The following ORC1 variants were observed in gnomAD, a reference collection of about 807,000 sequenced individuals.
ORC1 encodes the protein origin recognition complex, subunit 1 homolog.
A neutral mutation model predicts 98.9 loss-of-function variants in ORC1; 61 were observed. That is an observed-to-expected ratio of 0.62 (90% CI 0.50 to 0.76). The LOEUF (loss-of-function observed/expected upper bound fraction) is 0.76. ORC1 is among the 30% of genes least tolerant of loss of function. The pLI is 0.00. For missense variants in ORC1, 979 were observed against 1,072.2 expected, an observed-to-expected ratio of 0.91 and a Z score of 1.21; for synonymous variants, 385 against 406.9, an observed-to-expected ratio of 0.95 and a Z score of 0.65.
intron 6 of ORC1, among the ~76,000 whole-genome samples, chr1:52,392,800 T>C (rs1647250565): frequency 6.6e-6 from 1 of 152,152 alleles, no homozygotes; most frequent in African/African-American, 2.4e-5. Context: ...GTGAAGTGAC[T>C]TGGAAATGGA....
At chr1:52,401,614 G>C in intron 2 of ORC1, 125 bp from the exon 3 acceptor site, 1 of 1,144,488 alleles carries the variant, frequency 8.7e-7, no homozygotes, top group Non-Finnish European at 1.3e-6. Flanking sequence ...CTCTCCTACT[G>C]GGAAACCAAT....
intron 4 of ORC1, among the ~76,000 whole-genome samples, 176 bp downstream of exon 4, chr1:52,397,509 A>G (rs1288376827): frequency 6.6e-6 from 1 of 152,210 alleles, no homozygotes; most frequent in African/African-American, 2.4e-5. Flanking sequence ...AACACATGAT[A>G]CGTGCTCTCA....
At position 52,375,571 on chromosome 1, in the gene ORC1, C is replaced by CG; in HGVS notation, c.2161dup (p.Arg721ProfsTer14). 1.9e-6 allele frequency: 3 copies of CG among 1,614,054 alleles called. No homozygotes were observed. The highest frequency in any genetic ancestry group is 2.5e-6 in the Non-Finnish European group (3 of 1,180,020). On this transcript the variant is annotated frameshift_variant, in exon 15 of 17. Coordinates refer to ENST00000371568, the MANE Select transcript of ORC1 (RefSeq NM_004153.4). LOFTEE classifies it high-confidence loss of function. ...GGCACGCCTGCAGATGTCCAGGCAC[C>CG]GTCGTGCATCTCCAGACAGTGCTGC...
chr1:52,383,836 C>T lies in ORC1; in HGVS notation c.1857G>A (p.Val619=). ...CCGCCCATGGGCACCTCACCTCATCCACAAGCAGGACGGTGGTTTCCTGAG... is the reference window on the plus strand; with the variant it reads ...CCGCCCATGGGCACCTCACCTCATCTACAAGCAGGACGGTGGTTTCCTGAG... The part of the protein sequence containing the change: ...GSPQETTVLL[V]DELDLLWTHK... Residue 619 remains valine, a synonymous_variant, in exon 12 of 17, where the codon GTG becomes GTA. Transcript: ENST00000371568. 1 of 1,613,534 alleles carries T rather than the reference C, an allele frequency of 6.2e-7. No individual in the cohort carries two copies. Among genetic ancestry groups the T allele is most frequent in the Non-Finnish European group, 8.5e-7 (1 of 1,179,502 alleles).
chr1:52,400,303 G>A (rs1471955051), intron 3 of ORC1, among the ~76,000 whole-genome samples: 2 of 152,174 alleles, frequency 1.3e-5, no homozygotes, highest in Admixed American at 6.5e-5. Flanking sequence ...TGTACAGCAC[G>A]GATACACTGG....
At chr1:52,387,950 T>C (rs1647165167) in intron 8 of ORC1, among the ~76,000 whole-genome samples, 1 of 152,230 alleles carries the variant, frequency 6.6e-6, no homozygotes, top group Non-Finnish European at 1.5e-5. Flanking sequence ...TGAATACCTT[T>C]TCAGTGTTCT....
chr1:52,406,537 GA>G (rs149414850), upstream of ORC1, among the ~76,000 whole-genome samples: 14,517 of 152,134 alleles, frequency 0.095, 2,278 homozygotes, highest in African/African-American at 0.33. Flanking sequence ...TGACATTGGA[GA>G]GGTTACTTAA....
chr1:52,406,170 G>A (rs985510170), upstream of ORC1, among the ~76,000 whole-genome samples: 1 of 151,850 alleles, frequency 6.6e-6, no homozygotes, highest in African/African-American at 2.4e-5. Flanking sequence ...TGTATTTTTA[G>A]TAGAGATGGG....
At chr1:52,385,575 G>A (rs1258214074) in intron 9 of ORC1, among the ~76,000 whole-genome samples, 1 of 152,156 alleles carries the variant, frequency 6.6e-6, no homozygotes, top group Non-Finnish European at 1.5e-5. Flanking sequence ...AAACAAAGAG[G>A]CACTGTCCTG....
At chr1:52,407,601 T>C (rs368396596), upstream of ORC1, among the ~76,000 whole-genome samples, 5 of 152,230 alleles carry the variant, frequency 3.3e-5, no homozygotes, top group African/African-American at 1.2e-4. Context: ...TGTATTGTTA[T>C]TAAATATATC....
At position 52,385,962 on chromosome 1, in the gene ORC1, CAAAG is replaced by C. The variant is rs774150681; in HGVS notation, c.1384-17_1384-14del. The C allele has an allele frequency of 1.9e-6, 3 of 1,603,192 alleles. No homozygotes were observed. The highest frequency in any genetic ancestry group is 2.6e-6 in the Non-Finnish European group (3 of 1,171,276). On this transcript the variant is annotated splice_polypyrimidine_tract_variant and intron_variant, in intron 8 of 16. Transcript: ENST00000371568. ...TTCTAGGCTTGAGCTGTATTGAAAACAAAGAACATATTTCACAAGGAAAAAGCAA... is the reference window on the plus strand; with the variant it reads ...TTCTAGGCTTGAGCTGTATTGAAAACAACATATTTCACAAGGAAAAAGCAA...
chr1:52,396,139 T>A lies in ORC1; in HGVS notation c.628A>T (p.Lys210Ter), dbSNP rs1158076302. 1 of 1,614,202 alleles carries A rather than the reference T, an allele frequency of 6.2e-7. No individual in the cohort carries two copies. ...GCGGAGTGCCTTGATTCAATCCTTT[T>A]GGCCACATGTTCTGCTGGGGTCCAA... ...PSWTPAEHVAKRIESRHSASK... is the reference protein window; with the variant it reads ...PSWTPAEHVA Residue 210 changes from lysine (K) to a stop codon, truncating the protein, a stop_gained, in exon 5 of 17, where the codon AAA becomes TAA. Coordinates refer to ENST00000371568, the MANE Select transcript of ORC1 (RefSeq NM_004153.4). LOFTEE classifies it high-confidence loss of function.
chr1:52,379,183 C>T (rs1343295158), intron 14 of ORC1, among the ~76,000 whole-genome samples: 1 of 151,568 alleles, frequency 6.6e-6, no homozygotes, highest in Non-Finnish European at 1.5e-5. Flanking sequence ...CCTCAAAATG[C>T]TCAGGAGTTA....
At position 52,375,419 on chromosome 1, in the gene ORC1, G is replaced by A; in HGVS notation, c.2303+11C>T. 6.2e-7 allele frequency: 1 copy of A among 1,613,594 alleles called. No individual in the cohort carries two copies. Among genetic ancestry groups the A allele is most frequent in the South Asian group, 1.1e-5 (1 of 91,066 alleles). On this transcript the variant is annotated intron_variant, in intron 15 of 16. Transcript: ENST00000371568. ...GCCTTCCAGGAAGGCTCAGGAAGTG[G>A]AGCATCTTACTTGATGGCCGTGATG...
At chr1:52,397,939 A>T in intron 3 of ORC1, 76 bp from the exon 4 acceptor site, 1 of 1,321,982 alleles carries the variant, frequency 7.6e-7, no homozygotes, top group Non-Finnish European at 1.1e-6. Context: ...TATGTGCCAG[A>T]CACTGTGCTT....
intron 6 of ORC1, among the ~76,000 whole-genome samples, chr1:52,391,179 C>T (rs538773896): frequency 1.1e-4 from 16 of 150,938 alleles, no homozygotes; most frequent in South Asian, 2.1e-4. Flanking sequence ...TGTAGTGGCT[C>T]GCGCTGGTAG....
upstream of ORC1, chr1:52,408,167 G>A (rs1569974579): frequency 6.1e-6 from 2 of 328,286 alleles, no homozygotes; most frequent in East Asian, 1.7e-4. Context: ...TTGATCCCAG[G>A]AGGCGGAGGT....
Position 52,397,699 on chromosome 1 carries a change from T to C in ORC1, c.388A>G (p.Ile130Val). 2 of 1,614,178 alleles carry C rather than the reference T, an allele frequency of 1.2e-6. No homozygotes were observed. Among genetic ancestry groups the C allele is most frequent in the Middle Eastern group, 1.6e-4 (1 of 6,062 alleles). Residue 130 changes from isoleucine (I) to valine (V), a missense_variant, in exon 4 of 17, where the codon ATT becomes GTT. Physicochemically the swap from Ile to Val is conservative, Grantham distance 29 (BLOSUM62 3). Transcript: ENST00000371568. ...GCATCACCTACCCGAACAAGGCCAA[T>C]GATGGTCTCCGCATTAATGTTGCTG... Reference protein sequence around the residue: ...CDSNINAETIIGLVRVIPLAP... With the variant: ...CDSNINAETIVGLVRVIPLAP...
intron 16 of ORC1, 90 bp from the exon 17 acceptor site, chr1:52,373,465 C>A: frequency 9.9e-6 from 11 of 1,107,524 alleles, no homozygotes; most frequent in Non-Finnish European, 1.5e-5. Flanking sequence ...GAAAATCAGA[C>A]ACATGGCCCC....
Sources: gnomAD v4.1 joint callset for allele counts (sites outside exome capture counted in the v4.1 genomes callset) on GRCh38, gnomAD v4.1.1 for gene constraint, MANE v1.5 for transcripts, NCBI Gene and HGNC (gene_info 2026-07-23, HGNC 2026-07-21) for gene names.